HGS: variants seen among roughly 807,000 people sequenced by gnomAD.
HGS encodes the protein hepatocyte growth factor-regulated tyrosine kinase substrate, also known as human growth factor-regulated tyrosine kinase substrate.
Under a neutral mutation model 109.7 loss-of-function variants are expected in HGS, and 63 were observed. The observed-to-expected ratio is 0.57, with a 90% CI of 0.47 to 0.71. The LOEUF (loss-of-function observed/expected upper bound fraction) is 0.71. Ranked by LOEUF, HGS falls within the 30% of genes least tolerant of loss-of-function variation. The probability of loss-of-function intolerance (pLI) is 0.00; values close to 1 mark genes in which losing one functional copy is unlikely to be tolerated. For synonymous variants in HGS, 546 were observed against 437.3 expected (o/e 1.25, Z -3.10); for missense variants, 995 against 1,068.3 (o/e 0.93, Z 0.96).
chr17:81,690,163 T>C lies in HGS; in HGVS notation c.416-19T>C. 1 of 1,611,144 alleles carries C rather than the reference T, an allele frequency of 6.2e-7. No homozygotes were observed. The highest frequency in any genetic ancestry group is 1.3e-5 in the African/African-American group (1 of 74,996). ...AGGCCAGGTGGGAGCAGGCAGTGAC[T>C]ATGGCTTCATCTCTCCAGGGCACGT... On this transcript the variant is annotated intron_variant, in intron 5 of 21. Coordinates refer to ENST00000329138, the MANE Select transcript of HGS (RefSeq NM_004712.5).
At chr17:81,689,108 C>T (rs2037026678) in intron 5 of HGS, among the ~76,000 whole-genome samples, 1 of 152,218 alleles carries the variant, frequency 6.6e-6, no homozygotes, top group African/African-American at 2.4e-5. Flanking sequence ...TGGCAGGACT[C>T]CTGGGGGCCG....
chr17:81,695,558 C>G (rs1314948274), intron 14 of HGS: 1 of 602,260 alleles, frequency 1.7e-6, no homozygotes, highest in African/African-American at 1.9e-5. Context: ...GGAGAGGGAG[C>G]TGGCAGTGGG....
chr17:81,701,239 C>T, intron 21 of HGS, 108 bp downstream of exon 21: 1 of 1,045,518 alleles, frequency 9.6e-7, no homozygotes, highest in Non-Finnish European at 1.5e-6. Context: ...TACGTCTGCT[C>T]ACAGGGGGAG....
In HGS at chr17:81,686,428, A is replaced by G. The variant is rs749908310; in HGVS notation, c.198+41A>G. 4.2e-6 allele frequency: 6 copies of G among 1,429,584 alleles called. No individual in the cohort carries two copies. In the Admixed American group the frequency reaches 1.0e-4, roughly 24 times the overall value. 88.6% of individuals were successfully genotyped at this position (1,429,584 alleles called of 1,614,324 possible). On this transcript the variant is annotated intron_variant, in intron 3 of 21. Transcript: ENST00000329138. Reference sequence around the variant, plus strand: ...TGCCTCAGTGGCCCCCAGGGTCCCTACCCCCTACTAGTCACGACAGCATGA... The same window carrying G: ...TGCCTCAGTGGCCCCCAGGGTCCCTGCCCCCTACTAGTCACGACAGCATGA...
intron 6 of HGS, 55 bp from the exon 7 acceptor site, chr17:81,690,619 C>A: frequency 2.6e-6 from 4 of 1,546,448 alleles, no homozygotes; most frequent in Non-Finnish European, 1.8e-6. Context: ...AGGCTCTGTG[C>A]CTCTGGGGCT....
intron 4 of HGS, among the ~76,000 whole-genome samples, chr17:81,688,210 C>T (rs1188636033): frequency 3.3e-5 from 5 of 152,050 alleles, no homozygotes; most frequent in South Asian, 2.1e-4. Context: ...GCGCTCTAAC[C>T]GGGGGAGAGG....
intron 12 of HGS, 24 bp from the exon 13 acceptor site, chr17:81,694,900 G>A: frequency 6.2e-7 from 1 of 1,614,244 alleles, no homozygotes. Flanking sequence ...CTGGCCTTGG[G>A]AGTGACCCCC....
rs56058441 is a variant in HGS at position 81,701,105 on chromosome 17, G to T, written c.2197G>T (p.Ala733Ser). 0.066 allele frequency: 106,687 copies of T among 1,613,690 alleles called. 4,626 individuals are homozygous for T. Among genetic ancestry groups the T allele is most frequent in the East Asian group, 0.26 (11,626 of 44,868 alleles). Residue 733 changes from alanine (A) to serine (S), a missense_variant, in exon 21 of 22, where the codon GCG becomes TCG. Ala to Ser is a moderately conservative substitution (Grantham distance 99). Transcript: ENST00000329138. ...ASLPPQQPYI[A>S]GQQPMYQQMA... is the part of the protein sequence containing the mutation. The stretch of plus-strand genomic sequence containing the variant: ...TCTGCCACCCCAGCAGCCCTACATC[G>T]CGGGGCAGCAGCCCATGTACCAGCA...
At position 81,690,192 on chromosome 17, in the gene HGS, T is replaced by C; in HGVS notation, c.426T>C (p.Phe142=). Residue 142 remains phenylalanine (F), a synonymous_variant, in exon 6 of 22, where the codon TTT becomes TTC. Coordinates refer to ENST00000329138, the MANE Select transcript of HGS (RefSeq NM_004712.5). ...GCTTCATCTCTCCAGGGCACGTCTT[T>C]CCAGAATTCAAAGAGAGCGATGCCA... ...YQIMKVEGHV[F]PEFKESDAMF... The C allele has an allele frequency of 1.9e-6, 3 of 1,613,726 alleles. No individual in the cohort carries two copies. The highest frequency in any genetic ancestry group is 2.5e-6 in the Non-Finnish European group (3 of 1,179,762).
chr17:81,684,974 G>C, intron 1 of HGS: 1 of 985,390 alleles, frequency 1.0e-6, no homozygotes, highest in East Asian at 1.1e-4. Flanking sequence ...TTGTTAGATC[G>C]TTTCTGTATC....
intron 7 of HGS, 50 bp downstream of exon 7, chr17:81,690,792 C>G (rs968676827): frequency 1.3e-6 from 2 of 1,539,652 alleles, no homozygotes; most frequent in East Asian, 4.5e-5. Context: ...CACCAGGTCC[C>G]CTGCCGTGCA....
chr17:81,689,014 C>T (rs575134347), intron 5 of HGS, among the ~76,000 whole-genome samples, 187 bp downstream of exon 5: 1 of 152,356 alleles, frequency 6.6e-6, no homozygotes, highest in South Asian at 2.1e-4. Flanking sequence ...TCCTGCCTTT[C>T]TGGACCCACG....
intron 5 of HGS, among the ~76,000 whole-genome samples, chr17:81,689,297 G>A (rs544260313): frequency 6.6e-6 from 1 of 152,346 alleles, no homozygotes; most frequent in South Asian, 2.1e-4. Flanking sequence ...GGGCCTGTGC[G>A]CCGAGGGCCT....
Position 81,701,652 on chromosome 17 carries a change from A to G in HGS, c.*34A>G, listed in dbSNP as rs371229640. The G allele has an allele frequency of 5.2e-6, 8 of 1,526,200 alleles. No individual in the cohort carries two copies. The African/African-American group carries it at 8.2e-5, about 16-fold the overall frequency. The allele number at this position is 1,526,200 out of a possible 1,614,324, so 94.5% of individuals were successfully genotyped here. ...ATGCTCACGTCCGGAGTAACACTAC[A>G]TACAGTTCACCTGAAACGCCTCGTC... On this transcript the variant is annotated 3_prime_UTR_variant, in exon 22 of 22. Coordinates refer to ENST00000329138, the MANE Select transcript of HGS (RefSeq NM_004712.5).
intron 3 of HGS, among the ~76,000 whole-genome samples, chr17:81,686,600 C>T (rs560061197): frequency 1.3e-5 from 2 of 152,316 alleles, no homozygotes; most frequent in African/African-American, 2.4e-5. Context: ...AGGGAGTGGG[C>T]ACCACTTCTT....
intron 5 of HGS, among the ~76,000 whole-genome samples, chr17:81,689,583 G>A (rs910278232): frequency 1.2e-4 from 18 of 152,172 alleles, no homozygotes; most frequent in Admixed American, 3.3e-4. Flanking sequence ...TGCTGAAGAC[G>A]AGGCTGAGAG....
rs558217847 is a variant in HGS, at chr17:81,693,813, TGGGGCCGGA to T, written c.841-51_841-43del. Reference sequence around the variant, plus strand: ...CCCAGCTCCCCTGGATGTGCTGCGGTGGGGCCGGAGGGGCGTCACGTGCACCCAAGTGAC... The same window carrying T: ...CCCAGCTCCCCTGGATGTGCTGCGGTGGGGCGTCACGTGCACCCAAGTGAC... On this transcript the variant is annotated intron_variant, in intron 10 of 21. Coordinates refer to ENST00000329138, the MANE Select transcript of HGS (RefSeq NM_004712.5). The T allele has an allele frequency of 8.3e-5, 129 of 1,555,430 alleles. No homozygotes were observed. The African/African-American group carries it at 1.7e-3, about 20-fold the overall frequency.
intron 1 of HGS, chr17:81,684,952 A>T: frequency 2.0e-6 from 2 of 985,402 alleles, no homozygotes; most frequent in South Asian, 4.7e-5. Flanking sequence ...TAGAAAGTGG[A>T]CGTGGCTTGG....
At chr17:81,685,992 G>A (rs548222974) in intron 2 of HGS, among the ~76,000 whole-genome samples, 15 of 152,120 alleles carry the variant, frequency 9.9e-5, no homozygotes, top group Middle Eastern at 3.4e-3. Context: ...GTGCAGTGGC[G>A]TGATCTCAGC....
Sources: allele counts gnomAD v4.1 joint callset (sites outside exome capture counted in the v4.1 genomes callset), GRCh38; gene constraint gnomAD v4.1.1; transcripts MANE v1.5; gene names NCBI Gene and HGNC (gene_info 2026-07-23, HGNC 2026-07-21).